The following PLD5 variants were observed in gnomAD, a reference collection of about 807,000 sequenced individuals.
PLD5 encodes inactive phospholipase D5.
Under a neutral mutation model 61.1 loss-of-function variants are expected in PLD5, and 36 were observed. That is an observed-to-expected ratio of 0.59 (90% CI 0.45 to 0.78). The LOEUF (loss-of-function observed/expected upper bound fraction) is 0.78, where lower values mean the gene tolerates loss of function less well. Among genes scored for constraint, PLD5 ranks in the 30% least tolerant of loss-of-function variants. The pLI is 0.00. For missense variants in PLD5, 515 were observed against 644.4 expected (o/e 0.80, Z 2.17); for synonymous variants, 243 against 242.8 (o/e 1.00, Z -0.01).
chr1:242,289,137 C>A (rs1340877977), intron 2 of PLD5, among the ~76,000 whole-genome samples: 2 of 152,184 alleles, frequency 1.3e-5, no homozygotes, highest in Admixed American at 6.5e-5. Flanking sequence ...TAGTATTAAT[C>A]AAGCCCTAAA....
At chr1:242,493,809 C>T (rs954817005) in intron 1 of PLD5, among the ~76,000 whole-genome samples, 1 of 152,162 alleles carries the variant, frequency 6.6e-6, no homozygotes, top group Non-Finnish European at 1.5e-5. Flanking sequence ...ACAAGCAGTG[C>T]TCCAGCAGAG....
rs76377747 is a variant in PLD5, at chr1:242,432,802, C to A, written c.190-84560G>T. 5.2e-3 allele frequency among the ~76,000 whole-genome samples: 782 copies of A among 151,448 alleles called. 2 individuals are homozygous for A. The highest frequency in any genetic ancestry group is 9.2e-3 in the Admixed American group (140 of 15,194). On this transcript the variant is annotated intron_variant, in intron 1 of 9. Transcript: ENST00000536534. ...ATGGAAAACCACAGGGGAAAAGCTACAGGAAGAAAAACAAAAAGAAAAAAA... is the reference window on the plus strand; with the variant it reads ...ATGGAAAACCACAGGGGAAAAGCTAAAGGAAGAAAAACAAAAAGAAAAAAA...
intron 5 of PLD5, among the ~76,000 whole-genome samples, chr1:242,150,278 G>A (rs1250292854): frequency 6.6e-6 from 1 of 151,508 alleles, no homozygotes; most frequent in Non-Finnish European, 1.5e-5. Context: ...AATATCTGTT[G>A]TACTGTTTTG....
chr1:242,156,062 A>G (rs1259489896), intron 5 of PLD5, among the ~76,000 whole-genome samples: 1 of 152,204 alleles, frequency 6.6e-6, no homozygotes, highest in Non-Finnish European at 1.5e-5. Context: ...CGTTTAGGAC[A>G]GTTAGCTCTT....
At chr1:242,348,777 G>A (rs1328296029) in intron 1 of PLD5, among the ~76,000 whole-genome samples, 3 of 152,124 alleles carry the variant, frequency 2.0e-5, no homozygotes, top group Admixed American at 1.3e-4. Context: ...TCAATAGGCC[G>A]GGCGCGGTGG....
intron 1 of PLD5, among the ~76,000 whole-genome samples, chr1:242,441,440 A>G (rs1345272235): frequency 1.3e-5 from 2 of 152,078 alleles, no homozygotes; most frequent in Non-Finnish European, 2.9e-5. Context: ...CATGTTATGA[A>G]TCTTCCGAAA....
chr1:242,390,782 C>G (rs1662881211), intron 1 of PLD5, among the ~76,000 whole-genome samples: 1 of 152,038 alleles, frequency 6.6e-6, no homozygotes, highest in Non-Finnish European at 1.5e-5. Flanking sequence ...TATGTTCTTC[C>G]TAACAAGAGA....
At chr1:242,234,340 C>T (rs1425611792) in intron 4 of PLD5, among the ~76,000 whole-genome samples, 2 of 152,162 alleles carry the variant, frequency 1.3e-5, no homozygotes, top group African/African-American at 2.4e-5. Flanking sequence ...TCTTAAGGAG[C>T]CCCACATCTT....
chr1:242,261,164 G>A (rs1256473997), intron 4 of PLD5, among the ~76,000 whole-genome samples: 1 of 152,308 alleles, frequency 6.6e-6, no homozygotes, highest in Non-Finnish European at 1.5e-5. Context: ...TATGGCATTG[G>A]TCCTGGGATA....
intron 1 of PLD5, among the ~76,000 whole-genome samples, chr1:242,362,741 C>T (rs1161052649): frequency 3.3e-5 from 5 of 152,150 alleles, no homozygotes; most frequent in African/African-American, 4.8e-5. Context: ...AGACTTATCA[C>T]TTCACTTCCT....
At chr1:242,203,062 A>G (rs1233654352) in intron 5 of PLD5, among the ~76,000 whole-genome samples, 3 of 152,222 alleles carry the variant, frequency 2.0e-5, no homozygotes, top group Non-Finnish European at 4.4e-5. Context: ...ATGATTCCAG[A>G]AAGCCAAACA....
At chr1:242,299,001 A>G (rs1574690235) in intron 2 of PLD5, among the ~76,000 whole-genome samples, 1 of 152,034 alleles carries the variant, frequency 6.6e-6, no homozygotes, top group East Asian at 1.9e-4. Context: ...CAAAGAGCTA[A>G]CACAGTAGAA....
intron 5 of PLD5, among the ~76,000 whole-genome samples, chr1:242,129,822 T>G (rs1379104025): frequency 6.6e-6 from 1 of 152,166 alleles, no homozygotes; most frequent in Admixed American, 6.5e-5. Context: ...ATCTCCAATG[T>G]CAATTATTCT....
intron 1 of PLD5, among the ~76,000 whole-genome samples, chr1:242,398,319 C>T (rs10926722): frequency 0.017 from 2,524 of 152,258 alleles, 78 homozygotes; most frequent in African/African-American, 0.058. Flanking sequence ...ATACCAAACT[C>T]GTAAGGTTGA....
chr1:242,231,208 C>T (rs551252240), intron 4 of PLD5, among the ~76,000 whole-genome samples: 1 of 152,298 alleles, frequency 6.6e-6, no homozygotes, highest in East Asian at 1.9e-4. Flanking sequence ...GCACGTGCTA[C>T]GGCTTCCTCC....
chr1:242,401,913 A>G (rs993752226), intron 1 of PLD5, among the ~76,000 whole-genome samples: 1 of 152,242 alleles, frequency 6.6e-6, no homozygotes, highest in African/African-American at 2.4e-5. Flanking sequence ...TCTGGCACAT[A>G]GGGCTATTCA....
chr1:242,250,727 G>T (rs1672653115), intron 4 of PLD5, among the ~76,000 whole-genome samples: 1 of 152,158 alleles, frequency 6.6e-6, no homozygotes, highest in Non-Finnish European at 1.5e-5. Flanking sequence ...GTAAAGCAAG[G>T]AAGGGACAGG....
intron 1 of PLD5, among the ~76,000 whole-genome samples, chr1:242,407,539 GT>G (rs1454111139): frequency 7.3e-6 from 1 of 136,864 alleles, no homozygotes; most frequent in East Asian, 2.2e-4. Context: ...CAAATACATA[GT>G]TTTTTTGTTG....
chr1:242,474,969 G>C (rs189416885), intron 1 of PLD5, among the ~76,000 whole-genome samples: 3 of 152,302 alleles, frequency 2.0e-5, no homozygotes, highest in Admixed American at 1.3e-4. Context: ...TAATTTATGA[G>C]CTTAGAGGGC....
Sources: gnomAD v4.1 joint callset for allele counts (sites outside exome capture counted in the v4.1 genomes callset) on GRCh38, gnomAD v4.1.1 for gene constraint, MANE v1.5 for transcripts, NCBI Gene and HGNC (gene_info 2026-07-23, HGNC 2026-07-21) for gene names.